Variants in CDH13 observed in about 807,000 individuals in gnomAD.
CDH13 encodes the protein cadherin-13.
CDH13 carries 24 observed loss-of-function variants against 63.8 expected under a neutral mutation model. The observed-to-expected ratio is 0.38, with a 90% CI of 0.27 to 0.53. CDH13 has a LOEUF of 0.53. Among genes scored for constraint, CDH13 ranks in the 20% least tolerant of loss-of-function variants. CDH13 has a pLI of 0.85. For missense variants in CDH13, 1,049 were observed against 903.1 expected, an observed-to-expected ratio of 1.16 and a Z score of -2.07; for synonymous variants, 503 against 355.3, an observed-to-expected ratio of 1.42 and a Z score of -4.67.
At chr16:83,661,236 C>A (rs938997184) in intron 8 of CDH13, among the ~76,000 whole-genome samples, 3 of 152,166 alleles carry the variant, frequency 2.0e-5, no homozygotes, top group Non-Finnish European at 4.4e-5. Flanking sequence ...CCTATAATTG[C>A]AGCACTTTGC....
intron 6 of CDH13, among the ~76,000 whole-genome samples, chr16:83,481,898 G>A (rs2073774887): frequency 6.6e-6 from 1 of 152,180 alleles, no homozygotes; most frequent in Non-Finnish European, 1.5e-5. Flanking sequence ...ATGAGCTGGT[G>A]AAAACAAAGT....
At chr16:82,649,209 TAAAG>T (rs1387022674) in intron 1 of CDH13, among the ~76,000 whole-genome samples, 2 of 152,118 alleles carry the variant, frequency 1.3e-5, no homozygotes, top group Non-Finnish European at 2.9e-5. Context: ...ATTAGAGAAA[TAAAG>T]CCACTTATCC....
chr16:83,451,794 A>G (rs1352831328), intron 6 of CDH13, among the ~76,000 whole-genome samples: 3 of 152,262 alleles, frequency 2.0e-5, no homozygotes, highest in African/African-American at 7.2e-5. Context: ...CTGGCATTAC[A>G]GGCATGTGCC....
chr16:83,061,602 C>T (rs1175132222), intron 3 of CDH13, among the ~76,000 whole-genome samples: 1 of 152,156 alleles, frequency 6.6e-6, no homozygotes, highest in African/African-American at 2.4e-5. Context: ...TCAGGGCACC[C>T]AATGCAAAAT....
intron 2 of CDH13, among the ~76,000 whole-genome samples, chr16:82,887,421 T>A (rs1015905183): frequency 6.6e-6 from 1 of 152,176 alleles, no homozygotes; most frequent in Non-Finnish European, 1.5e-5. Context: ...CCCTGTGGGT[T>A]GGATTAGGTT....
At chr16:82,631,892 C>A (rs1293044190) in intron 1 of CDH13, among the ~76,000 whole-genome samples, 1 of 152,152 alleles carries the variant, frequency 6.6e-6, no homozygotes, top group Non-Finnish European at 1.5e-5. Flanking sequence ...GAGACATCTG[C>A]TTGGTGGTAA....
intron 1 of CDH13, among the ~76,000 whole-genome samples, chr16:82,762,147 C>G (rs1231619906): frequency 6.6e-6 from 1 of 152,102 alleles, no homozygotes; most frequent in Non-Finnish European, 1.5e-5. Context: ...TTCTTTTCCC[C>G]CAAGTGACCT....
chr16:83,335,235 C>G (rs940332508), intron 5 of CDH13, among the ~76,000 whole-genome samples: 4 of 152,124 alleles, frequency 2.6e-5, no homozygotes, highest in African/African-American at 9.7e-5. Flanking sequence ...TTCAGACTGC[C>G]TTCCAGGAAG....
chr16:82,916,861 A>G (rs1446613945), intron 2 of CDH13, among the ~76,000 whole-genome samples: 5 of 152,214 alleles, frequency 3.3e-5, no homozygotes, highest in African/African-American at 1.2e-4. Flanking sequence ...CTACATTTTT[A>G]TGTGACACAT....
At chr16:83,256,169 G>C (rs1906235018) in intron 5 of CDH13, among the ~76,000 whole-genome samples, 1 of 152,024 alleles carries the variant, frequency 6.6e-6, no homozygotes, top group African/African-American at 2.4e-5. Context: ...AAGTAGTTGG[G>C]ACTACAGGCG....
At chr16:82,661,249 C>T (rs1911909520) in intron 1 of CDH13, among the ~76,000 whole-genome samples, 3 of 152,210 alleles carry the variant, frequency 2.0e-5, no homozygotes, top group African/African-American at 7.2e-5. Flanking sequence ...CCTGAGGACA[C>T]ACGCTCTGTC....
intron 2 of CDH13, among the ~76,000 whole-genome samples, chr16:82,902,468 C>G (rs2041503595): frequency 6.6e-6 from 1 of 151,716 alleles, no homozygotes; most frequent in South Asian, 2.1e-4. Context: ...ATTAAGAAGT[C>G]CTGTGATTGT....
intron 6 of CDH13, among the ~76,000 whole-genome samples, chr16:83,393,686 T>C (rs936901901): frequency 6.6e-6 from 1 of 152,334 alleles, no homozygotes; most frequent in Non-Finnish European, 1.5e-5. Context: ...ATTCATTGAA[T>C]TGAATCATTC....
intron 5 of CDH13, among the ~76,000 whole-genome samples, chr16:83,341,989 C>CCACCCACACACACACACACACA (rs1555532512): frequency 1.4e-5 from 2 of 138,070 alleles, no homozygotes; most frequent in Non-Finnish European, 3.1e-5. Context: ...GTGTCCCCTG[C>CCACCCACACACACACACACACA]CACACACACA....
intron 1 of CDH13, among the ~76,000 whole-genome samples, chr16:82,775,814 G>C (rs140268893): frequency 3.2e-3 from 490 of 152,280 alleles, no homozygotes; most frequent in South Asian, 6.6e-3. Context: ...TGCAAGGTGA[G>C]GGACATATCC....
intron 3 of CDH13, among the ~76,000 whole-genome samples, chr16:83,115,327 G>A (rs1403868746): frequency 1.3e-5 from 2 of 152,184 alleles, no homozygotes; most frequent in Non-Finnish European, 2.9e-5. Context: ...AATGTGTTTA[G>A]CACTGTGCCT....
intron 1 of CDH13, among the ~76,000 whole-genome samples, chr16:82,642,175 T>C (rs936581063): frequency 6.6e-6 from 1 of 152,044 alleles, no homozygotes; most frequent in African/African-American, 2.4e-5. Flanking sequence ...CCTAACTCAT[T>C]GGACTGCTTG....
intron 5 of CDH13, among the ~76,000 whole-genome samples, chr16:83,272,357 G>C (rs1434162295): frequency 6.6e-6 from 1 of 152,252 alleles, no homozygotes; most frequent in Non-Finnish European, 1.5e-5. Context: ...GAGCATCCCT[G>C]AGTAATGTGA....
chr16:83,423,656 C>T (rs999018244), intron 6 of CDH13, among the ~76,000 whole-genome samples: 75 of 152,292 alleles, frequency 4.9e-4, no homozygotes, highest in African/African-American at 1.7e-3. Flanking sequence ...GCAACTGCAG[C>T]AATCATGATC....
Sources: allele counts gnomAD v4.1 joint callset (sites outside exome capture counted in the v4.1 genomes callset), GRCh38; gene constraint gnomAD v4.1.1; transcripts MANE v1.5; gene names NCBI Gene and HGNC (gene_info 2026-07-23, HGNC 2026-07-21).